The following EDA2R variants were observed in gnomAD, a reference collection of about 807,000 sequenced individuals.
The protein encoded by EDA2R is tumor necrosis factor receptor superfamily member 27.
EDA2R carries 26 observed loss-of-function variants against 20.1 expected under a neutral mutation model. That is an observed-to-expected ratio of 1.30 (90% CI 0.95 to 1.80). The LOEUF (loss-of-function observed/expected upper bound fraction) is 1.80. EDA2R is among the 40% of genes most tolerant of loss of function. The pLI is 0.00. For synonymous variants in EDA2R, 114 were observed against 88.7 expected, an observed-to-expected ratio of 1.29 and a Z score of -1.60; for missense variants, 277 against 228.7, an observed-to-expected ratio of 1.21 and a Z score of -1.36.
intron 1 of EDA2R, among the ~76,000 whole-genome samples, chrX:66,637,977 C>CA (rs1934508988): frequency 9.0e-6 from 1 of 111,724 alleles, no homozygotes; most frequent in African/African-American, 3.3e-5. Flanking sequence ...GTTACAATTT[C>CA]AAAAAAAGAA....
At chrX:66,630,177 CACACA>C (rs1387041222) in intron 1 of EDA2R, among the ~76,000 whole-genome samples, 2 of 111,601 alleles carry the variant, frequency 1.8e-5, no homozygotes, top group East Asian at 5.6e-4. Context: ...TCTCACATTA[CACACA>C]AATCAATTCA....
chrX:66,635,185 A>T (rs917031294), intron 1 of EDA2R, among the ~76,000 whole-genome samples: 1 of 112,042 alleles, frequency 8.9e-6, no homozygotes, highest in African/African-American at 3.2e-5. Context: ...GTGGCAAGAG[A>T]AAAAAACAGA....
Position 66,599,881 on chromosome X carries a change from C to A in EDA2R, c.518-21G>T, listed in dbSNP as rs1416974818. 3.4e-6 allele frequency: 4 copies of A among 1,193,890 alleles called. No homozygotes were observed. The East Asian group carries it at 8.9e-5, about 27-fold the overall frequency. On this transcript the variant is annotated intron_variant, in intron 5 of 6. Coordinates refer to ENST00000374719, the MANE Select transcript of EDA2R (RefSeq NM_021783.5). ...ACCTCCTGCAACTCGAAGCAGAAAGCCACTGGGTTACCCAAAAGCAGGGGC... is the reference window on the plus strand; with the variant it reads ...ACCTCCTGCAACTCGAAGCAGAAAGACACTGGGTTACCCAAAAGCAGGGGC...
intron 1 of EDA2R, among the ~76,000 whole-genome samples, chrX:66,622,809 A>G (rs1232515299): frequency 1.8e-5 from 2 of 112,255 alleles, no homozygotes; most frequent in African/African-American, 6.5e-5. Flanking sequence ...GGCCACTTCT[A>G]TCCAAGGTTT....
chrX:66,612,978 C>A (rs1229126182), intron 2 of EDA2R, among the ~76,000 whole-genome samples: 2 of 110,913 alleles, frequency 1.8e-5, no homozygotes, highest in African/African-American at 6.5e-5. Flanking sequence ...TTGATTTTGC[C>A]ATGGTAGCAC....
chrX:66,628,539 C>A (rs1933361113), intron 1 of EDA2R, among the ~76,000 whole-genome samples: 1 of 110,542 alleles, frequency 9.0e-6, no homozygotes, highest in African/African-American at 3.3e-5. Flanking sequence ...TACAAAAGGT[C>A]ATTTCAGGCT....
chrX:66,614,177 C>A (rs906113327), intron 2 of EDA2R, among the ~76,000 whole-genome samples: 2 of 111,518 alleles, frequency 1.8e-5, no homozygotes, highest in African/African-American at 6.5e-5. Context: ...GACCTTGCCC[C>A]TGATTCCTGA....
chrX:66,628,115 A>T (rs991975497), intron 1 of EDA2R, among the ~76,000 whole-genome samples: 1 of 111,594 alleles, frequency 9.0e-6, no homozygotes, highest in Non-Finnish European at 1.9e-5. Flanking sequence ...TCAAGATGGA[A>T]ATTAAAAAAA....
At chrX:66,598,174 T>G in intron 6 of EDA2R, 81 bp from the exon 7 acceptor site, 1 of 342,319 alleles carries the variant, frequency 2.9e-6, no homozygotes, top group Non-Finnish European at 4.7e-6. Context: ...CCAAATATCA[T>G]AGGTTAAGCC....
chrX:66,636,962 A>ACG (rs2148095030), intron 1 of EDA2R, among the ~76,000 whole-genome samples: 1 of 109,452 alleles, frequency 9.1e-6, no homozygotes, highest in East Asian at 2.9e-4. Context: ...ACACACACAC[A>ACG]CACACCCCAC....
intron 2 of EDA2R, among the ~76,000 whole-genome samples, chrX:66,607,288 A>C (rs1929855745): frequency 8.9e-6 from 1 of 112,321 alleles, no homozygotes; most frequent in Non-Finnish European, 1.9e-5. Context: ...TTTAACTTTT[A>C]GCATTCAATG....
intron 2 of EDA2R, among the ~76,000 whole-genome samples, chrX:66,614,926 T>A (rs978951643): frequency 9.0e-6 from 1 of 111,267 alleles, no homozygotes; most frequent in African/African-American, 3.3e-5. Flanking sequence ...CCCATTGCAC[T>A]ACCTTCCTCC....
intron 1 of EDA2R, among the ~76,000 whole-genome samples, chrX:66,626,641 C>T (rs966363048): frequency 2.7e-5 from 3 of 110,116 alleles, no homozygotes; most frequent in Admixed American, 9.7e-5. Flanking sequence ...GAGATCTAGA[C>T]ATCCAAATAC....
At chrX:66,634,970 T>A (rs1162675749) in intron 1 of EDA2R, among the ~76,000 whole-genome samples, 1 of 111,808 alleles carries the variant, frequency 8.9e-6, no homozygotes, top group East Asian at 2.8e-4. Context: ...TGACTAACAA[T>A]CTCCTGGAAG....
intron 1 of EDA2R, among the ~76,000 whole-genome samples, chrX:66,637,421 A>T (rs982711385): frequency 3.6e-5 from 4 of 111,621 alleles, no homozygotes; most frequent in African/African-American, 1.3e-4. Context: ...AAAGCAGAGG[A>T]TCTGACGTTT....
chrX:66,634,754 G>A (rs1006346215), intron 1 of EDA2R, among the ~76,000 whole-genome samples: 7 of 111,255 alleles, frequency 6.3e-5, no homozygotes, highest in Non-Finnish European at 1.9e-5. Flanking sequence ...TCCCATATAC[G>A]AAGAAAGGAG....
chrX:66,610,675 G>A (rs1489945430), intron 2 of EDA2R, among the ~76,000 whole-genome samples: 8 of 111,653 alleles, frequency 7.2e-5, no homozygotes, highest in African/African-American at 2.3e-4. Context: ...CTAAATAATT[G>A]AATCAATCAG....
At chrX:66,604,566 T>C in intron 3 of EDA2R, 60 bp from the exon 4 acceptor site, 1 of 1,063,240 alleles carries the variant, frequency 9.4e-7, no homozygotes, top group Non-Finnish European at 1.3e-6. Context: ...CTTGGACCAG[T>C]TCTTCCTGGG....
chrX:66,619,011 C>T (rs753327665), intron 1 of EDA2R, among the ~76,000 whole-genome samples: 3 of 111,808 alleles, frequency 2.7e-5, no homozygotes, highest in Admixed American at 9.5e-5. Context: ...ACATATGAGA[C>T]GTTTGGTAAT....
Sources: allele counts gnomAD v4.1 joint callset (sites outside exome capture counted in the v4.1 genomes callset), GRCh38; gene constraint gnomAD v4.1.1; transcripts MANE v1.5; gene names NCBI Gene and HGNC (gene_info 2026-07-23, HGNC 2026-07-21).